Variants in ODAD2 observed in about 807,000 individuals in gnomAD.
The protein encoded by ODAD2 is outer dynein arm-docking complex subunit 2.
In ODAD2, 89 loss-of-function variants were observed where a neutral mutation model predicts 106.8. That is an observed-to-expected ratio of 0.83 (90% CI 0.70 to 0.99). ODAD2 has a LOEUF of 0.99. Among genes scored for constraint, ODAD2 ranks in the 50% least tolerant of loss-of-function variants. The probability of loss-of-function intolerance (pLI) is 0.00; values close to 1 mark genes in which losing one functional copy is unlikely to be tolerated. For synonymous variants in ODAD2, 404 were observed against 436.2 expected (o/e 0.93, Z 0.92); for missense variants, 1,168 against 1,238.5 (o/e 0.94, Z 0.85).
chr10:27,949,175 T>C (rs1394762572), intron 10 of ODAD2, among the ~76,000 whole-genome samples: 1 of 152,160 alleles, frequency 6.6e-6, no homozygotes, highest in African/African-American at 2.4e-5. Context: ...TTGTGTTATT[T>C]CATTCAACAA....
intron 12 of ODAD2, among the ~76,000 whole-genome samples, chr10:27,941,441 C>T (rs904540066): frequency 4.0e-5 from 6 of 150,298 alleles, no homozygotes; most frequent in Non-Finnish European, 8.9e-5. Context: ...GTTATGATCA[C>T]ACCACTGCAC....
intron 15 of ODAD2, 48 bp from the exon 16 acceptor site, chr10:27,935,300 G>A (rs184602729): frequency 1.2e-6 from 2 of 1,602,340 alleles, no homozygotes; most frequent in East Asian, 4.5e-5. Flanking sequence ...TATAAGGTTT[G>A]CTAAAAATTA....
chr10:27,887,141 A>T (rs1165702896), intron 17 of ODAD2, among the ~76,000 whole-genome samples: 1 of 152,142 alleles, frequency 6.6e-6, no homozygotes, highest in East Asian at 1.9e-4. Flanking sequence ...TTAAGGATAC[A>T]CATAGGTTGA....
chr10:27,819,574 TAAAAAAAA>T (rs56031733), intron 19 of ODAD2, among the ~76,000 whole-genome samples: 7 of 74,014 alleles, frequency 9.5e-5, no homozygotes, highest in South Asian at 6.2e-4. Context: ...CCCTGTCTCT[TAAAAAAAA>T]AAAAAAAAAA....
intron 19 of ODAD2, among the ~76,000 whole-genome samples, chr10:27,853,764 G>C (rs1839459344): frequency 6.6e-6 from 1 of 151,958 alleles, no homozygotes; most frequent in South Asian, 2.1e-4. Flanking sequence ...TACTCGAATG[G>C]GTCATAGACT....
intron 19 of ODAD2, among the ~76,000 whole-genome samples, chr10:27,845,400 C>A (rs1219941524): frequency 6.6e-6 from 1 of 152,152 alleles, no homozygotes; most frequent in African/African-American, 2.4e-5. Flanking sequence ...CAGGCCTGCC[C>A]TAAAAGAGCT....
intron 10 of ODAD2, among the ~76,000 whole-genome samples, chr10:27,954,638 G>A (rs1847597145): frequency 6.6e-6 from 1 of 152,190 alleles, no homozygotes; most frequent in Admixed American, 6.5e-5. Flanking sequence ...ACTGTTATGA[G>A]TCAGTAGCAC....
At chr10:27,864,530 AGT>A (rs1840293193) in intron 17 of ODAD2, among the ~76,000 whole-genome samples, 1 of 147,038 alleles carries the variant, frequency 6.8e-6, no homozygotes, top group African/African-American at 2.5e-5. Context: ...GAGAGCGGGG[AGT>A]GAGGTGAGAG....
At chr10:27,869,789 C>T (rs1487043766) in intron 17 of ODAD2, among the ~76,000 whole-genome samples, 1 of 152,024 alleles carries the variant, frequency 6.6e-6, no homozygotes, top group Non-Finnish European at 1.5e-5. Context: ...CCTGCCTCGG[C>T]CTCCCAAAGA....
intron 19 of ODAD2, among the ~76,000 whole-genome samples, chr10:27,818,250 T>C (rs1836292911): frequency 6.6e-6 from 1 of 152,102 alleles, no homozygotes; most frequent in African/African-American, 2.4e-5. Flanking sequence ...CTTGGTAAAT[T>C]ATATAATCAA....
chr10:27,860,745 T>G lies in ODAD2; in HGVS notation c.2901A>C (p.Pro967=), dbSNP rs750081562. Residue 967 remains proline, a synonymous_variant, in exon 19 of 20, where the codon CCA becomes CCC. Transcript: ENST00000305242. Reference sequence around the variant, plus strand: ...CATTTGATTTCAGATAACGCACTAGTGGAGCCACTGCTTTGTGCTCACCGA... The same window carrying G: ...CATTTGATTTCAGATAACGCACTAGGGGAGCCACTGCTTTGTGCTCACCGA... ...VAFGEHKAVA[P]LVRYLKSNDT... 1.9e-6 allele frequency: 3 copies of G among 1,614,058 alleles called. No homozygotes were observed. The East Asian group carries it at 6.7e-5, about 36-fold the overall frequency.
intron 17 of ODAD2, among the ~76,000 whole-genome samples, chr10:27,896,732 T>A (rs1282230159): frequency 6.6e-6 from 1 of 152,140 alleles, no homozygotes; most frequent in Non-Finnish European, 1.5e-5. Flanking sequence ...CTTGTGTATG[T>A]GTACTCTTTC....
At chr10:27,946,391 T>A (rs946044692) in intron 10 of ODAD2, among the ~76,000 whole-genome samples, 13 of 151,734 alleles carry the variant, frequency 8.6e-5, no homozygotes, top group East Asian at 3.9e-4. Context: ...TTTTAATTTT[T>A]AAAAATTTAT....
chr10:27,865,851 C>T (rs1840401104), intron 17 of ODAD2, among the ~76,000 whole-genome samples: 1 of 152,230 alleles, frequency 6.6e-6, no homozygotes, highest in South Asian at 2.1e-4. Flanking sequence ...GCCACTTTCT[C>T]TCTGTAACAC....
intron 14 of ODAD2, 151 bp downstream of exon 14, chr10:27,939,745 AT>A: frequency 2.1e-6 from 1 of 466,810 alleles, no homozygotes; most frequent in Non-Finnish European, 3.7e-6. Context: ...CTCTAAAAAA[AT>A]AAAAATAAAT....
intron 16 of ODAD2, among the ~76,000 whole-genome samples, chr10:27,918,684 C>A (rs967202342): frequency 2.0e-5 from 3 of 151,584 alleles, no homozygotes; most frequent in African/African-American, 7.3e-5. Flanking sequence ...GAGGTCTTGG[C>A]CTGCCTAATA....
chr10:27,859,778 T>C (rs1163547573), intron 19 of ODAD2, among the ~76,000 whole-genome samples: 1 of 152,222 alleles, frequency 6.6e-6, no homozygotes, highest in African/African-American at 2.4e-5. Flanking sequence ...TGGTTTGCAA[T>C]GTGTAGGTAA....
chr10:27,834,693 T>G (rs1301128819), intron 19 of ODAD2, among the ~76,000 whole-genome samples: 1 of 152,162 alleles, frequency 6.6e-6, no homozygotes, highest in Non-Finnish European at 1.5e-5. Context: ...AAAAGAGCAG[T>G]GACAGATTTA....
At chr10:27,880,037 G>C (rs1443385701) in intron 17 of ODAD2, among the ~76,000 whole-genome samples, 1 of 152,178 alleles carries the variant, frequency 6.6e-6, no homozygotes, top group Admixed American at 6.6e-5. Flanking sequence ...CTATGATCTA[G>C]ACATGGTAGT....
Sources: gnomAD v4.1 joint callset for allele counts (sites outside exome capture counted in the v4.1 genomes callset) on GRCh38, gnomAD v4.1.1 for gene constraint, MANE v1.5 for transcripts, NCBI Gene and HGNC (gene_info 2026-07-23, HGNC 2026-07-21) for gene names.